The following ADRA1B variants were observed in gnomAD, a reference collection of about 807,000 sequenced individuals.
ADRA1B encodes the protein alpha-1B adrenergic receptor.
In ADRA1B, 17 loss-of-function variants were observed where a neutral mutation model predicts 17.9. The ratio of observed to expected loss-of-function variants is 0.95; its 90% CI spans 0.65 to 1.42. The LOEUF (loss-of-function observed/expected upper bound fraction) is 1.42, where lower values mean the gene tolerates loss of function less well. ADRA1B is among the 40% of genes most tolerant of loss of function. The pLI is 0.00. For missense variants in ADRA1B, 681 were observed against 722.1 expected (o/e 0.94, Z 0.65); for synonymous variants, 366 against 327.6 (o/e 1.12, Z -1.27).
chr5:159,962,017 A>G (rs1254289434), intron 1 of ADRA1B, among the ~76,000 whole-genome samples: 1 of 152,134 alleles, frequency 6.6e-6, no homozygotes. Flanking sequence ...GGTCAACATG[A>G]TGAAATCCTG....
chr5:159,874,489 C>T (rs977016213), intron 1 of ADRA1B, among the ~76,000 whole-genome samples: 4 of 152,188 alleles, frequency 2.6e-5, no homozygotes, highest in South Asian at 2.1e-4. Flanking sequence ...TTATTCATGA[C>T]TTCATTGACA....
At chr5:159,889,314 T>G (rs1347606624) in intron 1 of ADRA1B, among the ~76,000 whole-genome samples, 2 of 152,150 alleles carry the variant, frequency 1.3e-5, no homozygotes, top group Non-Finnish European at 2.9e-5. Flanking sequence ...CAATTCAAGG[T>G]CTATCCTCCC....
At chr5:159,988,881 A>G in the ADRA1B span, among the ~76,000 whole-genome samples, 1 of 152,244 alleles carries the variant, frequency 6.6e-6, no homozygotes, top group South Asian at 2.1e-4. Flanking sequence ...TCAGGAGACT[A>G]AAACAGGAGG....
chr5:159,867,482 C>T (rs1480137664), intron 1 of ADRA1B, among the ~76,000 whole-genome samples: 5 of 152,074 alleles, frequency 3.3e-5, no homozygotes, highest in Non-Finnish European at 7.4e-5. Context: ...CTCTCCCTCG[C>T]CCTCTCTCAT....
chr5:159,925,264 T>A (rs1754613377), intron 1 of ADRA1B, among the ~76,000 whole-genome samples: 1 of 152,248 alleles, frequency 6.6e-6, no homozygotes, highest in South Asian at 2.1e-4. Flanking sequence ...AGAGGCACCA[T>A]ATCCTGGTGA....
At chr5:159,982,053 T>C in the ADRA1B span, among the ~76,000 whole-genome samples, 1 of 152,074 alleles carries the variant, frequency 6.6e-6, no homozygotes, top group Non-Finnish European at 1.5e-5. Context: ...ATGCTCACCC[T>C]TGGAACCCAT....
chr5:159,950,787 G>T, intron 1 of ADRA1B: 1 of 605,186 alleles, frequency 1.7e-6, no homozygotes, highest in East Asian at 3.1e-5. Context: ...CTGACACGTT[G>T]GTGATGTGGA....
chr5:159,922,595 C>T (rs1043799476), intron 1 of ADRA1B, among the ~76,000 whole-genome samples: 4 of 152,186 alleles, frequency 2.6e-5, no homozygotes, highest in African/African-American at 9.7e-5. Flanking sequence ...GCAGGTCATC[C>T]ATGTTCTAGC....
chr5:159,906,906 G>A (rs71603643), intron 1 of ADRA1B, among the ~76,000 whole-genome samples: 10,594 of 152,130 alleles, frequency 0.07, 428 homozygotes, highest in East Asian at 0.13. Flanking sequence ...CAAATTCCCT[G>A]GCATTCACTC....
At chr5:159,897,384 G>A (rs1037496533) in intron 1 of ADRA1B, among the ~76,000 whole-genome samples, 14 of 152,120 alleles carry the variant, frequency 9.2e-5, no homozygotes, top group African/African-American at 3.4e-4. Flanking sequence ...TACTCGGGAG[G>A]CTGAGGCGGG....
chr5:159,867,407 T>G (rs922191151), intron 1 of ADRA1B, among the ~76,000 whole-genome samples: 43 of 152,330 alleles, frequency 2.8e-4, no homozygotes, highest in South Asian at 6.2e-4. Context: ...CATGCAGTTC[T>G]GGGGAGTGAT....
intron 1 of ADRA1B, among the ~76,000 whole-genome samples, chr5:159,924,540 G>A (rs1022712316): frequency 2.6e-5 from 4 of 152,106 alleles, no homozygotes; most frequent in South Asian, 4.1e-4. Flanking sequence ...TGTGAGATTC[G>A]GAGATCTGGG....
At position 159,972,481 on chromosome 5, in the gene ADRA1B, G is replaced by T. The variant is rs968806926; in HGVS notation, c.1552G>T (p.Gly518Trp). 66 of 1,439,142 alleles carry T rather than the reference G, an allele frequency of 4.6e-5. No homozygotes were observed. The highest frequency in any genetic ancestry group is 5.9e-5 in the Non-Finnish European group (65 of 1,092,982). 89.1% of individuals were successfully genotyped at this position (1,439,142 alleles called of 1,614,324 possible). The change falls in exon 2 of 2, where the codon GGG becomes TGG. Residue 518 changes from glycine to tryptophan, a missense_variant. Transcript: ENST00000306675. ...GFKSNMPLAPGQF is the reference protein window; with the variant it reads ...GFKSNMPLAPWQF ...CAAAAGCAACATGCCCCTGGCGCCC[G>T]GGCAGTTTTAGGGCCCCCGTGCGCA...
At chr5:159,904,353 A>G (rs11957114) in intron 1 of ADRA1B, among the ~76,000 whole-genome samples, 9,054 of 152,264 alleles carry the variant, frequency 0.059, 721 homozygotes, top group East Asian at 0.43. Flanking sequence ...CCTCTCTCCT[A>G]TGAAGGCACA....
chr5:159,869,139 A>G (rs1297623657), intron 1 of ADRA1B: 27 of 152,178 alleles, frequency 1.8e-4, no homozygotes, highest in Admixed American at 1.8e-3. Context: ...TATTATTACC[A>G]CTATGAAAGC....
chr5:159,962,484 T>C (rs1316498728), intron 1 of ADRA1B, among the ~76,000 whole-genome samples: 1 of 152,088 alleles, frequency 6.6e-6, no homozygotes, highest in Admixed American at 6.6e-5. Flanking sequence ...ATTTTAAACC[T>C]GTCTCTCACC....
chr5:159,908,132 T>G (rs954134472), intron 1 of ADRA1B, among the ~76,000 whole-genome samples: 3 of 152,124 alleles, frequency 2.0e-5, no homozygotes, highest in Non-Finnish European at 2.9e-5. Flanking sequence ...GGAGGAGAGA[T>G]TCAATCCTCA....
intron 1 of ADRA1B, among the ~76,000 whole-genome samples, chr5:159,893,835 C>A (rs1434437694): frequency 7.9e-5 from 12 of 152,150 alleles, no homozygotes; most frequent in African/African-American, 2.7e-4. Context: ...CGGAAACTTG[C>A]AAGTTTTTCC....
At chr5:159,923,069 G>A (rs974785652) in intron 1 of ADRA1B, among the ~76,000 whole-genome samples, 2 of 152,266 alleles carry the variant, frequency 1.3e-5, no homozygotes, top group East Asian at 1.9e-4. Context: ...AGAAAAGTGT[G>A]GGCAGGAGGA....
Sources: allele counts gnomAD v4.1 joint callset (sites outside exome capture counted in the v4.1 genomes callset), GRCh38; gene constraint gnomAD v4.1.1; transcripts MANE v1.5; gene names NCBI Gene and HGNC (gene_info 2026-07-23, HGNC 2026-07-21).